Variants in TPR observed in about 807,000 individuals in gnomAD.
TPR encodes nucleoprotein TPR.
A neutral mutation model predicts 316.1 loss-of-function variants in TPR; 51 were observed. The ratio of observed to expected loss-of-function variants is 0.16; its 90% CI spans 0.13 to 0.20. The LOEUF (loss-of-function observed/expected upper bound fraction) is 0.20. Among genes scored for constraint, TPR ranks in the 10% least tolerant of loss-of-function variants. The probability of loss-of-function intolerance (pLI) is 1.00; values close to 1 mark genes in which losing one functional copy is unlikely to be tolerated. For synonymous variants in TPR, 981 were observed against 914.7 expected, an observed-to-expected ratio of 1.07 and a Z score of -1.31; for missense variants, 2,272 against 2,754.8, an observed-to-expected ratio of 0.82 and a Z score of 3.92.
chr1:186,325,523 G>C (rs569641507), intron 42 of TPR: 2 of 359,544 alleles, frequency 5.6e-6, no homozygotes, highest in South Asian at 1.4e-4. Flanking sequence ...AATACCGTAA[G>C]GGTTACAAAA....
chr1:186,363,539 T>C (rs1431961277), intron 4 of TPR, 94 bp from the exon 5 acceptor site: 38 of 815,042 alleles, frequency 4.7e-5, no homozygotes, highest in Non-Finnish European at 7.0e-5. Flanking sequence ...AAACCTTTAA[T>C]ACAAAGTATG....
chr1:186,320,416 G>A lies in TPR; in HGVS notation c.6464C>T (p.Ser2155Leu), dbSNP rs1657744598. 1.9e-6 allele frequency: 3 copies of A among 1,603,638 alleles called. No individual in the cohort carries two copies. Among genetic ancestry groups the A allele is most frequent in the Non-Finnish European group, 2.6e-6 (3 of 1,174,510 alleles). Residue 2155 changes from serine (S) to leucine (L), a missense_variant and splice_region_variant, in exon 46 of 51, where the codon TCG becomes TTG. Ser to Leu is a moderately radical substitution (Grantham distance 145, BLOSUM62 -2). Around this residue, in one of 10 missense-constraint regions of TPR, gnomAD observed 88 missense variants for 176.2 expected, o/e 0.50. Coordinates refer to ENST00000367478, the MANE Select transcript of TPR (RefSeq NM_003292.3). Reference protein sequence around the residue: ...RTDGFAEAIHSPQVAGVPRFR... With the variant: ...RTDGFAEAIHLPQVAGVPRFR... ...TCTAGGGACACCAGCAACCTGCGGC[G>A]AACTAAATGGACAAAAACTAATTTA...
At position 186,332,199 on chromosome 1, in the gene TPR, G is replaced by C; in HGVS notation, c.5600C>G (p.Thr1867Ser). Reference sequence around the variant, plus strand: ...CACAGAAAGAACTTTACGCACCTCAGTTCCTACAGGTGTGACACTTTTCAA... The same window carrying C: ...CACAGAAAGAACTTTACGCACCTCACTTCCTACAGGTGTGACACTTTTCAA... Reference protein sequence around the residue: ...KKLKSVTPVGTEEEVMAEEST... With the variant: ...KKLKSVTPVGSEEEVMAEEST... Residue 1867 changes from threonine (T) to serine (S), a missense_variant, in exon 38 of 51, where the codon ACT (threonine) becomes AGT (serine). This residue lies in a region of TPR where 435 missense variants were observed against 461.1 expected (regional missense o/e 0.94). Transcript: ENST00000367478. 1 of 1,607,900 alleles carries C rather than the reference G, an allele frequency of 6.2e-7. No homozygotes were observed. The highest frequency in any genetic ancestry group is 8.5e-7 in the Non-Finnish European group (1 of 1,177,724).
At position 186,355,665 on chromosome 1, in the gene TPR, C is replaced by G; in HGVS notation, c.1992G>C (p.Glu664Asp). 1 of 1,614,126 alleles carries G rather than the reference C, an allele frequency of 6.2e-7. No individual in the cohort carries two copies. The highest frequency in any genetic ancestry group is 1.1e-5 in the South Asian group (1 of 91,084). Residue 664 changes from glutamate to aspartate, a missense_variant, in exon 16 of 51, where the codon GAG becomes GAC. This residue lies in a region of TPR where 757 missense variants were observed against 859.8 expected (regional missense o/e 0.88). Transcript: ENST00000367478. ...TAAGGGCAGCCTTAGCCTCTATAGC[C>G]TCTGTTGATTCAATAACAGGTACTG... ...PAPVPVIEST[E>D]AIEAKAALKQ...
chr1:186,353,984 A>G, intron 17 of TPR, 134 bp from the exon 18 acceptor site: 1 of 694,468 alleles, frequency 1.4e-6, no homozygotes, highest in Non-Finnish European at 2.3e-6. Context: ...ATGTAACATC[A>G]TACATATTTC....
intron 4 of TPR, among the ~76,000 whole-genome samples, chr1:186,366,559 G>C (rs947388280): frequency 2.0e-5 from 3 of 151,950 alleles, no homozygotes; most frequent in Admixed American, 6.6e-5. Context: ...GTTGTTTAAG[G>C]GTCAACTGTA....
intron 9 of TPR, among the ~76,000 whole-genome samples, chr1:186,361,322 C>T (rs541681849): frequency 6.6e-6 from 1 of 151,950 alleles, no homozygotes; most frequent in Non-Finnish European, 1.5e-5. Context: ...AGTATTCAAA[C>T]ATTATCAGAG....
chr1:186,333,501 T>G, intron 36 of TPR, 107 bp from the exon 37 acceptor site: 1 of 1,365,370 alleles, frequency 7.3e-7, no homozygotes, highest in Non-Finnish European at 9.9e-7. Context: ...ATTTGGCACT[T>G]GGTAGACAAA....
At position 186,333,512 on chromosome 1, in the gene TPR, T is replaced by C. The variant is rs1416858213; in HGVS notation, c.5183-118A>G. 13 of 1,218,830 alleles carry C rather than the reference T, an allele frequency of 1.1e-5. No individual in the cohort carries two copies. In the Admixed American group the frequency reaches 2.9e-4, roughly 28 times the overall value. The allele number at this position is 1,218,830 out of a possible 1,614,324, so 75.5% of individuals were successfully genotyped here. Reference sequence around the variant, plus strand: ...ACAGATTTGGCACTTGGTAGACAAATACATTGTAGGTAAAGGTAATGTATT... The same window carrying C: ...ACAGATTTGGCACTTGGTAGACAAACACATTGTAGGTAAAGGTAATGTATT... On this transcript the variant is annotated intron_variant, in intron 36 of 50. Coordinates refer to ENST00000367478, the MANE Select transcript of TPR (RefSeq NM_003292.3).
Position 186,344,012 on chromosome 1 carries a change from A to G in TPR, c.3496T>C (p.Leu1166=). 1 of 1,614,088 alleles carries G rather than the reference A, an allele frequency of 6.2e-7. No individual in the cohort carries two copies. Among genetic ancestry groups the G allele is most frequent in the Non-Finnish European group, 8.5e-7 (1 of 1,180,018 alleles). ...NRLLHDQIEK[L]SDKVVASVKE... is the part of the protein sequence containing the mutation. ...ACAGAGGCAACGACCTTGTCACTTA[A>G]TTTTTCGATCTGATCATGAAGTAAT... Residue 1166 remains leucine, a synonymous_variant, in exon 26 of 51, where the codon TTA becomes CTA. Coordinates refer to ENST00000367478, the MANE Select transcript of TPR (RefSeq NM_003292.3).
chr1:186,360,529 A>C (rs1212484769), intron 10 of TPR, among the ~76,000 whole-genome samples, 165 bp from the exon 11 acceptor site: 1 of 152,102 alleles, frequency 6.6e-6, no homozygotes, highest in Non-Finnish European at 1.5e-5. Flanking sequence ...AATTCTAAAA[A>C]ATCATGCAAT....
chr1:186,373,077 C>T (rs982322910), intron 2 of TPR, among the ~76,000 whole-genome samples: 6 of 152,076 alleles, frequency 3.9e-5, no homozygotes, highest in African/African-American at 1.4e-4. Flanking sequence ...TGGGTCTAAC[C>T]ATTTTATAAA....
In TPR at chr1:186,350,249, G is replaced by A; in HGVS notation, c.2750C>T (p.Ser917Phe). 1 of 1,611,338 alleles carries A rather than the reference G, an allele frequency of 6.2e-7. No homozygotes were observed. Among genetic ancestry groups the A allele is most frequent in the Non-Finnish European group, 8.5e-7 (1 of 1,179,288 alleles). The change falls in exon 21 of 51, where the codon TCT becomes TTT. Residue 917 changes from serine to phenylalanine, a missense_variant. Transcript: ENST00000367478. ...HLSNMEVQVASQSSQRTGKGQ... is the reference protein window; with the variant it reads ...HLSNMEVQVAFQSSQRTGKGQ... ...TTTACCAGTTCTCTGTGAAGACTGA[G>A]AAGCAACTTGGACTTCCATATTACT... is the stretch of plus-strand genomic sequence containing the variant.
chr1:186,336,925 T>C (rs1658355955), intron 32 of TPR, 88 bp downstream of exon 32: 6 of 1,566,498 alleles, frequency 3.8e-6, no homozygotes, highest in South Asian at 2.3e-5. Context: ...CATTCCCACA[T>C]GGTAAGACAA....
chr1:186,312,039 C>A lies in TPR; in HGVS notation c.*1932G>T. ...TTTTATAATACCCTTGACTAATAGC[C>A]ATTATTAATATCAATATATTATATG... is the stretch of plus-strand genomic sequence containing the variant. On this transcript the variant is annotated 3_prime_UTR_variant, in exon 51 of 51. Coordinates refer to ENST00000367478, the MANE Select transcript of TPR (RefSeq NM_003292.3). 1.5e-6 allele frequency: 1 copy of A among 675,908 alleles called. No homozygotes were observed. The allele number at this position is 675,908 out of a possible 1,614,324, so 41.9% of individuals were successfully genotyped here.
rs1368192203 is a variant in TPR, at chr1:186,361,702, G to A, written c.878C>T (p.Ala293Val). ...IKLSNLYKSAADDSEAKSNEL... is the reference protein window; with the variant it reads ...IKLSNLYKSAVDDSEAKSNEL... ...ATTGCTCTTTGCTTCTGAGTCATCA[G>A]CGGCACTCTAAAAGTTAATCTTAAA... Residue 293 changes from alanine to valine, a missense_variant, in exon 9 of 51, where the codon GCT (alanine) becomes GTT (valine). Transcript: ENST00000367478. 4 of 1,613,344 alleles carry A rather than the reference G, an allele frequency of 2.5e-6. No homozygotes were observed. Among genetic ancestry groups the A allele is most frequent in the Non-Finnish European group, 3.4e-6 (4 of 1,179,454 alleles).
In TPR at chr1:186,360,893, A is replaced by G; in HGVS notation, c.971T>C (p.Ile324Thr). 6.2e-7 allele frequency: 1 copy of G among 1,610,054 alleles called. No homozygotes were observed. Among genetic ancestry groups the G allele is most frequent in the Non-Finnish European group, 8.5e-7 (1 of 1,178,464 alleles). Reference protein sequence around the residue: ...LKEAGEANKAIQDHLLEVEQS... With the variant: ...LKEAGEANKATQDHLLEVEQS... ...CTCCACCTCTAGAAGATGATCTTGT[A>G]TTGCTTTGTTGGCTAAAAAACAATT... The change falls in exon 10 of 51, where the codon ATA becomes ACA. Residue 324 changes from isoleucine to threonine, a missense_variant. Physicochemically the swap from Ile to Thr is moderately conservative, Grantham distance 89. This residue lies in a region of TPR where 549 missense variants were observed against 598.6 expected (regional missense o/e 0.92). Transcript: ENST00000367478.
At position 186,335,565 on chromosome 1, in the gene TPR, T is replaced by A. The variant is rs778124633; in HGVS notation, c.4706-22A>T. Reference sequence around the variant, plus strand: ...ACACCTAAAGAAGTAACCAGGCGATTATATTAATATTATAATCAAACATTT... The same window carrying A: ...ACACCTAAAGAAGTAACCAGGCGATAATATTAATATTATAATCAAACATTT... On this transcript the variant is annotated intron_variant, in intron 33 of 50. Coordinates refer to ENST00000367478, the MANE Select transcript of TPR (RefSeq NM_003292.3). 14 of 1,533,218 alleles carry A rather than the reference T, an allele frequency of 9.1e-6. No individual in the cohort carries two copies. In the South Asian group the frequency reaches 1.7e-4, roughly 18 times the overall value. 95.0% of individuals were successfully genotyped at this position (1,533,218 alleles called of 1,614,324 possible).
chr1:186,312,584 T>A lies in TPR; in HGVS notation c.*1387A>T, dbSNP rs1657346974. 1 of 784,282 alleles carries A rather than the reference T, an allele frequency of 1.3e-6. No homozygotes were observed. 48.6% of individuals were successfully genotyped at this position (784,282 alleles called of 1,614,324 possible). ...GTAAGTAAAGCAGTTTGTTCAGGTT[T>A]GTTAGTTATAACCAATACTATTTAT... On this transcript the variant is annotated 3_prime_UTR_variant, in exon 51 of 51. Transcript: ENST00000367478.
Sources: gnomAD v4.1 joint callset for allele counts (sites outside exome capture counted in the v4.1 genomes callset) on GRCh38, gnomAD v4.1.1 for gene constraint, gnomAD v4.1.1 regional missense constraint, MANE v1.5 for transcripts, NCBI Gene and HGNC (gene_info 2026-07-23, HGNC 2026-07-21) for gene names.